The following GAREM1 variants were observed in gnomAD, a reference collection of about 807,000 sequenced individuals.
GAREM1 encodes GRB2-associated and regulator of MAPK protein 1.
A neutral mutation model predicts 71.3 loss-of-function variants in GAREM1; 26 were observed. The ratio of observed to expected loss-of-function variants is 0.36; its 90% CI spans 0.27 to 0.51. The LOEUF (loss-of-function observed/expected upper bound fraction) is 0.51. GAREM1 is among the 20% of genes least tolerant of loss of function. The pLI is 0.95. For synonymous variants in GAREM1, 440 were observed against 433.2 expected, an observed-to-expected ratio of 1.02 and a Z score of -0.20; for missense variants, 1,026 against 1,103.1, an observed-to-expected ratio of 0.93 and a Z score of 0.99.
intron 2 of GAREM1, among the ~76,000 whole-genome samples, chr18:32,382,222 G>A (rs2048104229): frequency 6.6e-6 from 1 of 152,190 alleles, no homozygotes; most frequent in African/African-American, 2.4e-5. Flanking sequence ...GGTGGGAAGA[G>A]TGACAGCAAG....
At chr18:32,455,520 T>TA (rs2048879056) in intron 1 of GAREM1, among the ~76,000 whole-genome samples, 1 of 152,126 alleles carries the variant, frequency 6.6e-6, no homozygotes, top group Admixed American at 6.6e-5. Context: ...CACACACACT[T>TA]ACTTGAACAG....
intron 1 of GAREM1, among the ~76,000 whole-genome samples, chr18:32,445,925 G>C (rs1297979000): frequency 6.6e-6 from 1 of 152,082 alleles, no homozygotes; most frequent in African/African-American, 2.4e-5. Context: ...TATTTCAGTA[G>C]CAGAACCATG....
At chr18:32,381,455 G>A (rs2048097360) in intron 2 of GAREM1, among the ~76,000 whole-genome samples, 1 of 152,110 alleles carries the variant, frequency 6.6e-6, no homozygotes, top group African/African-American at 2.4e-5. Flanking sequence ...AAAGCTAGGG[G>A]AAAAAGTTTT....
At position 32,325,895 on chromosome 18, in the gene GAREM1, G is replaced by GT. The variant is rs538565172; in HGVS notation, c.263-15573dup. ...AAACATATATGAAGGGCTTAACACA[G>GT]TAAGTGGCACATGACAAGGACTCAA... On this transcript the variant is annotated intron_variant, in intron 2 of 5. Transcript: ENST00000269209. Among the ~76,000 whole-genome samples the GT allele has an allele frequency of 5.6e-4, 85 of 152,288 alleles. No individual in the cohort carries two copies. The East Asian group carries it at 0.012, about 22-fold the overall frequency.
intron 2 of GAREM1, among the ~76,000 whole-genome samples, chr18:32,333,077 T>C (rs1385889285): frequency 6.6e-6 from 1 of 151,306 alleles, no homozygotes; most frequent in Non-Finnish European, 1.5e-5. Flanking sequence ...AACTTTGGAA[T>C]GGGAGTTGAT....
intron 1 of GAREM1, among the ~76,000 whole-genome samples, chr18:32,438,208 A>T (rs1381948601): frequency 6.6e-6 from 1 of 152,214 alleles, no homozygotes; most frequent in Non-Finnish European, 1.5e-5. Context: ...ACAACTAAAT[A>T]AAAGACAAAA....
At chr18:32,390,365 A>C (rs1460667197) in intron 2 of GAREM1, among the ~76,000 whole-genome samples, 2 of 152,170 alleles carry the variant, frequency 1.3e-5, no homozygotes, top group African/African-American at 2.4e-5. Flanking sequence ...TTCTACCTAA[A>C]CTTCTTGTTG....
intron 2 of GAREM1, among the ~76,000 whole-genome samples, chr18:32,324,015 C>T (rs918204547): frequency 2.0e-5 from 3 of 151,892 alleles, no homozygotes; most frequent in African/African-American, 7.3e-5. Context: ...GACAGTTACA[C>T]AAATAAACAT....
chr18:32,467,307 C>A (rs147117636), intron 1 of GAREM1, among the ~76,000 whole-genome samples: 1 of 152,280 alleles, frequency 6.6e-6, no homozygotes, highest in East Asian at 1.9e-4. Context: ...CTTTCCAGTC[C>A]TCAAGCTCTC....
intron 3 of GAREM1, among the ~76,000 whole-genome samples, chr18:32,307,772 C>G (rs995922750): frequency 2.0e-5 from 3 of 152,134 alleles, no homozygotes; most frequent in Non-Finnish European, 4.4e-5. Flanking sequence ...ATCCACCTGC[C>G]TCAGCCTCCC....
chr18:32,465,748 C>A (rs1419611555), intron 1 of GAREM1, among the ~76,000 whole-genome samples: 2 of 152,192 alleles, frequency 1.3e-5, no homozygotes, highest in African/African-American at 4.8e-5. Context: ...GTAAAGGAAT[C>A]AGTTTCTACA....
In GAREM1 at chr18:32,465,255, A is replaced by G. The variant is rs139539782; in HGVS notation, c.121+5053T>C. On this transcript the variant is annotated intron_variant, in intron 1 of 5. Coordinates refer to ENST00000269209, the MANE Select transcript of GAREM1 (RefSeq NM_001242409.2). Reference sequence around the variant, plus strand: ...GTTACTTTGGGAAAAAGAAAAGAAAAGAAAAAGAAAAAGACATCAATTACA... The same window carrying G: ...GTTACTTTGGGAAAAAGAAAAGAAAGGAAAAAGAAAAAGACATCAATTACA... 6.7e-3 allele frequency among the ~76,000 whole-genome samples: 1,027 copies of G among 152,356 alleles called. 12 individuals are homozygous for G. Among genetic ancestry groups the G allele is most frequent in the African/African-American group, 0.023 (965 of 41,570 alleles).
chr18:32,438,775 T>C (rs982652198), intron 1 of GAREM1, among the ~76,000 whole-genome samples: 1 of 152,184 alleles, frequency 6.6e-6, no homozygotes, highest in African/African-American at 2.4e-5. Context: ...GCTTTCAAGA[T>C]ATAGGACTGC....
chr18:32,370,421 CA>C (rs57026913), intron 2 of GAREM1, among the ~76,000 whole-genome samples: 3,244 of 69,106 alleles, frequency 0.047, 54 homozygotes, highest in African/African-American at 0.099. Context: ...AACTCTGTTT[CA>C]AAAAAAAAAA....
intron 4 of GAREM1, among the ~76,000 whole-genome samples, chr18:32,276,511 T>C (rs756617760): frequency 1.2e-4 from 19 of 152,168 alleles, no homozygotes; most frequent in Non-Finnish European, 2.6e-4. Flanking sequence ...ATAAGACAAG[T>C]ATGTGCAAGG....
At chr18:32,413,214 C>T (rs1390445598) in intron 1 of GAREM1, 33 of 1,606,548 alleles carry the variant, frequency 2.1e-5, no homozygotes, top group African/African-American at 9.4e-5. Flanking sequence ...GATGCTTCTT[C>T]GGCGGCGTCC....
In GAREM1 at chr18:32,442,599, A is replaced by C. The variant is rs549882038; in HGVS notation, c.121+27709T>G. Among the ~76,000 whole-genome samples the C allele has an allele frequency of 3.9e-5, 6 of 152,314 alleles. No homozygotes were observed. The East Asian group carries it at 9.6e-4, about 24-fold the overall frequency. Reference sequence around the variant, plus strand: ...TATAGCATATTATTTGAGGAAGAGAATATATTGTGAAGTTGCCAGAACTCA... The same window carrying C: ...TATAGCATATTATTTGAGGAAGAGACTATATTGTGAAGTTGCCAGAACTCA... On this transcript the variant is annotated intron_variant, in intron 1 of 5. Transcript: ENST00000269209.
intron 1 of GAREM1, among the ~76,000 whole-genome samples, chr18:32,418,358 A>G (rs1162796724): frequency 6.6e-6 from 1 of 152,072 alleles, no homozygotes; most frequent in African/African-American, 2.4e-5. Flanking sequence ...GTTGCTGTGT[A>G]CTGTAAACAC....
At chr18:32,334,995 A>G (rs1007853347) in intron 2 of GAREM1, among the ~76,000 whole-genome samples, 4 of 151,692 alleles carry the variant, frequency 2.6e-5, no homozygotes, top group Admixed American at 6.6e-5. Flanking sequence ...CTTTCCGCCC[A>G]CTCCTTCCTT....
Sources: allele counts gnomAD v4.1 joint callset (sites outside exome capture counted in the v4.1 genomes callset), GRCh38; gene constraint gnomAD v4.1.1; transcripts MANE v1.5; gene names NCBI Gene and HGNC (gene_info 2026-07-23, HGNC 2026-07-21).